Variants in BRINP3 observed in about 807,000 individuals in gnomAD.
BRINP3 encodes BMP/retinoic acid inducible neural specific 3, also known as BMP/retinoic acid-inducible neural-specific protein 3.
Under a neutral mutation model 71.0 loss-of-function variants are expected in BRINP3, and 19 were observed. The ratio of observed to expected loss-of-function variants is 0.27; its 90% CI spans 0.19 to 0.39. BRINP3 has a LOEUF of 0.39. Ranked by LOEUF, BRINP3 falls within the 10% of genes least tolerant of loss-of-function variation. The pLI is 1.00. For missense variants in BRINP3, 959 were observed against 940.8 expected (o/e 1.02, Z -0.25); for synonymous variants, 380 against 337.7 (o/e 1.13, Z -1.37).
chr1:190,428,831 A>G (rs1256343497), intron 2 of BRINP3, among the ~76,000 whole-genome samples: 1 of 152,116 alleles, frequency 6.6e-6, no homozygotes, highest in African/African-American at 2.4e-5. Flanking sequence ...AAACAAATGC[A>G]TATTAAACTT....
At chr1:190,354,352 C>T (rs1668592821) in intron 2 of BRINP3, among the ~76,000 whole-genome samples, 1 of 151,824 alleles carries the variant, frequency 6.6e-6, no homozygotes, top group Non-Finnish European at 1.5e-5. Flanking sequence ...GCACGGACAG[C>T]CCCACTACAA....
intron 2 of BRINP3, among the ~76,000 whole-genome samples, chr1:190,437,925 T>C (rs917944161): frequency 3.3e-5 from 5 of 151,662 alleles, no homozygotes; most frequent in Non-Finnish European, 3.0e-5. Flanking sequence ...AAATTTTTCC[T>C]TATAATTTAT....
At chr1:190,132,486 T>C (rs1387424070) in intron 7 of BRINP3, among the ~76,000 whole-genome samples, 1 of 152,126 alleles carries the variant, frequency 6.6e-6, no homozygotes, top group Non-Finnish European at 1.5e-5. Flanking sequence ...GTTTGTATCA[T>C]ATTTTTTCTT....
chr1:190,211,199 G>C (rs1176897582), intron 6 of BRINP3, among the ~76,000 whole-genome samples: 1 of 152,062 alleles, frequency 6.6e-6, no homozygotes, highest in African/African-American at 2.4e-5. Context: ...TTAAGAGGTG[G>C]AGGTTGCAGT....
intron 1 of BRINP3, among the ~76,000 whole-genome samples, chr1:190,475,216 A>G (rs949460063): frequency 1.1e-4 from 17 of 152,186 alleles, no homozygotes; most frequent in African/African-American, 4.1e-4. Context: ...AGACAAGGAC[A>G]GTGATTAGGG....
At chr1:190,370,393 A>T (rs766848031) in intron 2 of BRINP3, among the ~76,000 whole-genome samples, 2 of 152,184 alleles carry the variant, frequency 1.3e-5, no homozygotes, top group African/African-American at 2.4e-5. Context: ...GAAAAGAAAG[A>T]ATTAATTCAT....
At chr1:190,150,459 A>C (rs1209748652) in intron 7 of BRINP3, among the ~76,000 whole-genome samples, 2 of 152,168 alleles carry the variant, frequency 1.3e-5, no homozygotes, top group Non-Finnish European at 2.9e-5. Context: ...CATTAGATTA[A>C]ATGTATCATT....
intron 1 of BRINP3, among the ~76,000 whole-genome samples, chr1:190,468,082 T>C (rs908482675): frequency 2.6e-5 from 4 of 151,318 alleles, no homozygotes; most frequent in African/African-American, 9.7e-5. Context: ...CTGAGACCAA[T>C]ATTTAGTAAT....
intron 3 of BRINP3, among the ~76,000 whole-genome samples, chr1:190,279,406 G>A (rs1247742303): frequency 6.6e-6 from 1 of 151,744 alleles, no homozygotes; most frequent in Non-Finnish European, 1.5e-5. Flanking sequence ...CCATCACATA[G>A]GTGTTATTCT....
chr1:190,431,534 T>G (rs1674100966), intron 2 of BRINP3, among the ~76,000 whole-genome samples: 1 of 151,978 alleles, frequency 6.6e-6, no homozygotes, highest in South Asian at 2.1e-4. Context: ...TTTTTGTATT[T>G]TTAGTAGAGA....
chr1:190,165,683 AG>A (rs1651466983), intron 6 of BRINP3, among the ~76,000 whole-genome samples: 1 of 91,512 alleles, frequency 1.1e-5, no homozygotes, highest in Non-Finnish European at 2.0e-5. Flanking sequence ...TCTGATTTTC[AG>A]TGGCAAAAAA....
chr1:190,131,222 A>T (rs17375588), intron 7 of BRINP3, among the ~76,000 whole-genome samples: 2,129 of 150,276 alleles, frequency 0.014, 20 homozygotes, highest in Non-Finnish European at 0.018. Flanking sequence ...AACTCCAAAA[A>T]CGTGCTACCA....
Position 190,250,734 on chromosome 1 carries a change from G to A in BRINP3, c.618+14131C>T, listed in dbSNP as rs116810164. On this transcript the variant is annotated intron_variant, in intron 4 of 7. Coordinates refer to ENST00000367462, the MANE Select transcript of BRINP3 (RefSeq NM_199051.3). Reference sequence around the variant, plus strand: ...TATGAAGGCTGCATTTGCCTGATACGCAATGTTCCCCTTGACATATGGGAA... The same window carrying A: ...TATGAAGGCTGCATTTGCCTGATACACAATGTTCCCCTTGACATATGGGAA... Among the ~76,000 whole-genome samples the A allele has an allele frequency of 1.4e-3, 211 of 152,032 alleles. 1 individual carries two copies. Among genetic ancestry groups the A allele is most frequent in the African/African-American group, 4.8e-3 (200 of 41,512 alleles).
chr1:190,297,997 T>C (rs1664384467), intron 2 of BRINP3, among the ~76,000 whole-genome samples: 1 of 152,122 alleles, frequency 6.6e-6, no homozygotes, highest in South Asian at 2.1e-4. Flanking sequence ...TATTTGGAGT[T>C]TTTAAAATTG....
intron 2 of BRINP3, among the ~76,000 whole-genome samples, chr1:190,312,269 G>A (rs1408580955): frequency 1.3e-5 from 2 of 150,836 alleles, no homozygotes; most frequent in African/African-American, 2.4e-5. Context: ...AAAATGAGCT[G>A]TCATTTAGAA....
rs904355884 is a variant in BRINP3, at chr1:190,473,817, A to G, written c.-51+3631T>C. Among the ~76,000 whole-genome samples, 9 of 151,652 alleles carry G rather than the reference A, an allele frequency of 5.9e-5. 1 individual carries two copies. The highest frequency in any genetic ancestry group is 2.2e-4 in the African/African-American group (9 of 41,310). Reference sequence around the variant, plus strand: ...TTTTCCAACTGGTTTTCTAAACCCAAAGATTTTCATACTGGGGTTGTACGC... The same window carrying G: ...TTTTCCAACTGGTTTTCTAAACCCAGAGATTTTCATACTGGGGTTGTACGC... On this transcript the variant is annotated intron_variant, in intron 1 of 7. Coordinates refer to ENST00000367462, the MANE Select transcript of BRINP3 (RefSeq NM_199051.3).
At chr1:190,234,318 C>G in intron 5 of BRINP3, 54 bp downstream of exon 5, 6 of 1,336,744 alleles carry the variant, frequency 4.5e-6, no homozygotes, top group Non-Finnish European at 6.3e-6. Context: ...GAAATCACGA[C>G]TGGATAATTG....
chr1:190,385,319 G>A (rs1040594767), intron 2 of BRINP3, among the ~76,000 whole-genome samples: 4 of 151,956 alleles, frequency 2.6e-5, no homozygotes, highest in African/African-American at 4.8e-5. Context: ...GAAAATTTTC[G>A]CAACCTACTC....
At chr1:190,345,097 G>T (rs908266615) in intron 2 of BRINP3, among the ~76,000 whole-genome samples, 2 of 151,706 alleles carry the variant, frequency 1.3e-5, no homozygotes, top group African/African-American at 2.4e-5. Flanking sequence ...GTTTAGTCAG[G>T]GTCCTTGTTC....
Sources: allele counts gnomAD v4.1 joint callset (sites outside exome capture counted in the v4.1 genomes callset), GRCh38; gene constraint gnomAD v4.1.1; transcripts MANE v1.5; gene names NCBI Gene and HGNC (gene_info 2026-07-23, HGNC 2026-07-21).